Variants in KCNK2 observed in about 807,000 individuals in gnomAD.
The protein encoded by KCNK2 is potassium channel subfamily K member 2.
A neutral mutation model predicts 40.5 loss-of-function variants in KCNK2; 21 were observed. That is an observed-to-expected ratio of 0.52 (90% CI 0.37 to 0.75). The LOEUF (loss-of-function observed/expected upper bound fraction) is 0.75, where lower values mean the gene tolerates loss of function less well. KCNK2 is among the 30% of genes least tolerant of loss of function. KCNK2 has a pLI of 0.00. For synonymous variants in KCNK2, 191 were observed against 202.2 expected (o/e 0.94, Z 0.47); for missense variants, 399 against 531.6 (o/e 0.75, Z 2.45).
chr1:215,235,344 G>T lies in KCNK2; in HGVS notation c.*199G>T, dbSNP rs1303777778. Reference sequence around the variant, plus strand: ...TTCTTTCTGATGATGCTTGTTGAACGGTCCACTTTCTTTGATGAGTGGAAT... The same window carrying T: ...TTCTTTCTGATGATGCTTGTTGAACTGTCCACTTTCTTTGATGAGTGGAAT... On this transcript the variant is annotated 3_prime_UTR_variant, in exon 7 of 7. Transcript: ENST00000444842. 1 of 514,532 alleles carries T rather than the reference G, an allele frequency of 1.9e-6. No homozygotes were observed. Among genetic ancestry groups the T allele is most frequent in the African/African-American group, 1.9e-5 (1 of 52,698 alleles). The allele number at this position is 514,532 out of a possible 1,614,324, so 31.9% of individuals were successfully genotyped here.
intron 3 of KCNK2, among the ~76,000 whole-genome samples, chr1:215,161,734 T>A (rs1246173879): frequency 6.6e-6 from 1 of 152,168 alleles, no homozygotes; most frequent in Non-Finnish European, 1.5e-5. Context: ...GCTTCATCCA[T>A]ATCCCTGCAA....
Position 215,235,440 on chromosome 1 carries a change from C to G in KCNK2, c.*295C>G, listed in dbSNP as rs930560011. 4 of 306,014 alleles carry G rather than the reference C, an allele frequency of 1.3e-5. No individual in the cohort carries two copies. The Admixed American group carries it at 1.4e-4, about 10-fold the overall frequency. 19.0% of individuals were successfully genotyped at this position (306,014 alleles called of 1,614,324 possible). On this transcript the variant is annotated 3_prime_UTR_variant, in exon 7 of 7. Coordinates refer to ENST00000444842, the MANE Select transcript of KCNK2 (RefSeq NM_001017425.3). The stretch of plus-strand genomic sequence containing the variant: ...TCTCTTTCCCTAATGTGCCATAAGG[C>G]CTCAGAATGAATGAGAATTGTTTCT...
At chr1:215,072,245 C>T (rs34822820) in intron 1 of KCNK2, among the ~76,000 whole-genome samples, 11,897 of 152,104 alleles carry the variant, frequency 0.078, 513 homozygotes, top group Middle Eastern at 0.15. Context: ...AAGACATACT[C>T]GAGACTGGGT....
chr1:215,223,270 C>CTCTT (rs1666259196), intron 6 of KCNK2, among the ~76,000 whole-genome samples: 1 of 100,840 alleles, frequency 9.9e-6, no homozygotes, highest in African/African-American at 3.6e-5. Context: ...AAAGTCAAAA[C>CTCTT]TCTTACAAGT....
chr1:215,130,522 T>C (rs947351032), intron 3 of KCNK2, among the ~76,000 whole-genome samples: 3 of 152,200 alleles, frequency 2.0e-5, no homozygotes, highest in African/African-American at 7.2e-5. Flanking sequence ...GAAAGAAATG[T>C]GAGCAGCACA....
At chr1:215,091,107 G>A (rs956004627) in intron 2 of KCNK2, among the ~76,000 whole-genome samples, 5 of 152,162 alleles carry the variant, frequency 3.3e-5, no homozygotes, top group Non-Finnish European at 5.9e-5. Flanking sequence ...GAATCCCTAC[G>A]TGTTGGGGCC....
chr1:215,226,319 A>ATTTGT (rs556237634), intron 6 of KCNK2, among the ~76,000 whole-genome samples: 38 of 151,768 alleles, frequency 2.5e-4, no homozygotes, highest in Non-Finnish European at 3.7e-4. Flanking sequence ...CTTGTTTTTT[A>ATTTGT]TTTGTTTTGT....
At chr1:215,068,142 C>A (rs572794376) in intron 1 of KCNK2, among the ~76,000 whole-genome samples, 32 of 151,550 alleles carry the variant, frequency 2.1e-4, no homozygotes, top group African/African-American at 7.3e-4. Flanking sequence ...TATTAATCAC[C>A]CACTCTCTGG....
intron 5 of KCNK2, among the ~76,000 whole-genome samples, chr1:215,189,491 G>C (rs1184663027): frequency 6.6e-6 from 1 of 152,090 alleles, no homozygotes; most frequent in Non-Finnish European, 1.5e-5. Context: ...CTTTCTTTAT[G>C]ATCATGAGAC....
chr1:215,225,798 A>G (rs1412356539), intron 6 of KCNK2, among the ~76,000 whole-genome samples: 3 of 152,224 alleles, frequency 2.0e-5, no homozygotes, highest in East Asian at 3.9e-4. Flanking sequence ...TCACAGCACT[A>G]TCCAAGATGT....
intron 6 of KCNK2, among the ~76,000 whole-genome samples, chr1:215,213,792 T>C (rs1313880572): frequency 6.6e-6 from 1 of 152,140 alleles, no homozygotes; most frequent in East Asian, 1.9e-4. Flanking sequence ...CGCCCCACCT[T>C]GCCAAATCAA....
intron 1 of KCNK2, among the ~76,000 whole-genome samples, chr1:215,056,273 A>T (rs946945967): frequency 7.1e-6 from 1 of 140,814 alleles, no homozygotes; most frequent in African/African-American, 2.6e-5. Flanking sequence ...GCGCCATTGC[A>T]CTCCAGCCTG....
intron 1 of KCNK2, among the ~76,000 whole-genome samples, chr1:215,013,631 A>T (rs1656485436): frequency 6.6e-6 from 1 of 152,030 alleles, no homozygotes; most frequent in Non-Finnish European, 1.5e-5. Flanking sequence ...CACCAAACGG[A>T]TTTTGCATAT....
chr1:215,176,668 C>T (rs1277205741), intron 5 of KCNK2, among the ~76,000 whole-genome samples: 1 of 152,056 alleles, frequency 6.6e-6, no homozygotes, highest in African/African-American at 2.4e-5. Flanking sequence ...GGACATCATC[C>T]CATTCCTTTT....
At chr1:215,187,664 T>C (rs1571708880) in intron 5 of KCNK2, among the ~76,000 whole-genome samples, 1 of 151,854 alleles carries the variant, frequency 6.6e-6, no homozygotes, top group East Asian at 1.9e-4. Flanking sequence ...TATAAACCCT[T>C]AGGGTCTATA....
intron 3 of KCNK2, among the ~76,000 whole-genome samples, chr1:215,147,749 T>C (rs910784234): frequency 6.6e-6 from 1 of 152,032 alleles, no homozygotes; most frequent in African/African-American, 2.4e-5. Flanking sequence ...GTAGGATAAT[T>C]GCTTGAACTC....
chr1:215,100,443 A>T (rs1660159503), intron 2 of KCNK2, among the ~76,000 whole-genome samples: 1 of 151,992 alleles, frequency 6.6e-6, no homozygotes, highest in Admixed American at 6.6e-5. Context: ...CATTTGTTTT[A>T]TACAGCAGGA....
chr1:215,122,188 C>T (rs1661219239), intron 2 of KCNK2, among the ~76,000 whole-genome samples: 1 of 151,936 alleles, frequency 6.6e-6, no homozygotes, highest in African/African-American at 2.4e-5. Context: ...ATACCATCTT[C>T]CTTGGTATGA....
intron 2 of KCNK2, among the ~76,000 whole-genome samples, chr1:215,097,844 T>A (rs568355829): frequency 2.6e-5 from 4 of 152,098 alleles, no homozygotes; most frequent in African/African-American, 9.6e-5. Context: ...CAAAAGAGAC[T>A]TCTGGGAAAT....
Sources: gnomAD v4.1 joint callset for allele counts (sites outside exome capture counted in the v4.1 genomes callset) on GRCh38, gnomAD v4.1.1 for gene constraint, MANE v1.5 for transcripts, NCBI Gene and HGNC (gene_info 2026-07-23, HGNC 2026-07-21) for gene names.